The following LRP8 variants were observed in gnomAD, a reference collection of about 807,000 sequenced individuals.
LRP8 encodes LDL receptor related protein 8, also known as low-density lipoprotein receptor-related protein 8.
In LRP8, 46 loss-of-function variants were observed where a neutral mutation model predicts 111.6. The ratio of observed to expected loss-of-function variants is 0.41; its 90% CI spans 0.33 to 0.53. The LOEUF (loss-of-function observed/expected upper bound fraction) is 0.53, where lower values mean the gene tolerates loss of function less well. Ranked by LOEUF, LRP8 falls within the 20% of genes least tolerant of loss-of-function variation. The probability of loss-of-function intolerance (pLI) is 0.20; values close to 1 mark genes in which losing one functional copy is unlikely to be tolerated. For synonymous variants in LRP8, 464 were observed against 511.2 expected, an observed-to-expected ratio of 0.91 and a Z score of 1.24; for missense variants, 959 against 1,297.4, an observed-to-expected ratio of 0.74 and a Z score of 4.01.
At chr1:53,248,560 T>G (rs1208717924) in intron 18 of LRP8, among the ~76,000 whole-genome samples, 3 of 152,248 alleles carry the variant, frequency 2.0e-5, no homozygotes, top group Non-Finnish European at 4.4e-5. Flanking sequence ...TTAGGCAAGT[T>G]ATTCAATTTC....
chr1:53,322,001 C>T (rs1288521), intron 2 of LRP8, among the ~76,000 whole-genome samples: 44,301 of 151,688 alleles, frequency 0.29, 6,733 homozygotes, highest in African/African-American at 0.37. Context: ...GCACCAGCTG[C>T]AGGAACCTCG....
At chr1:53,285,501 A>G (rs537144165) in intron 3 of LRP8, among the ~76,000 whole-genome samples, 1 of 152,144 alleles carries the variant, frequency 6.6e-6, no homozygotes, top group African/African-American at 2.4e-5. Context: ...CAACTACTGA[A>G]CCTCTCTGCA....
intron 13 of LRP8, among the ~76,000 whole-genome samples, chr1:53,258,997 A>T (rs913499180): frequency 4.6e-5 from 7 of 152,214 alleles, no homozygotes; most frequent in Non-Finnish European, 1.0e-4. Context: ...TTTATGGCTG[A>T]GTAGTATTCC....
intron 2 of LRP8, among the ~76,000 whole-genome samples, chr1:53,311,345 C>T (rs1400002345): frequency 1.3e-5 from 2 of 152,160 alleles, no homozygotes; most frequent in African/African-American, 4.8e-5. Flanking sequence ...GGCGGGCTTA[C>T]CCTTTGCCCA....
rs993483385 is a variant in LRP8, at chr1:53,275,896, GC to G, written c.884-144del. 9.9e-7 allele frequency: 1 copy of G among 1,009,044 alleles called. No homozygotes were observed. The highest frequency in any genetic ancestry group is 1.4e-6 in the Non-Finnish European group (1 of 695,650). 62.5% of individuals were successfully genotyped at this position (1,009,044 alleles called of 1,614,324 possible). On this transcript the variant is annotated intron_variant, in intron 5 of 18. Transcript: ENST00000306052. This position sits in a 1 kb window ranked among gnomAD's most constrained non-coding sequence, Gnocchi z 4.4. Reference sequence around the variant, plus strand: ...CTCAGGAGTCCTCAAAGGACACCTGGCCAAGGCACCTCAGTGTACAGATGGG... The same window carrying G: ...CTCAGGAGTCCTCAAAGGACACCTGGCAAGGCACCTCAGTGTACAGATGGG...
chr1:53,327,556 C>G (rs1261441915), intron 1 of LRP8, among the ~76,000 whole-genome samples: 1 of 152,226 alleles, frequency 6.6e-6, no homozygotes, highest in Admixed American at 6.5e-5. Flanking sequence ...GCCAAGCCCC[C>G]CTGCACCCCT....
intron 2 of LRP8, 55 bp from the exon 3 acceptor site, chr1:53,289,744 G>A (rs1016496078): frequency 5.0e-6 from 8 of 1,602,706 alleles, no homozygotes; most frequent in Non-Finnish European, 6.8e-6. Flanking sequence ...GAGGGTGGTG[G>A]GCCGACCAGG....
At chr1:53,264,471 TC>T (rs1646475679) in intron 9 of LRP8, 75 bp from the exon 10 acceptor site, 1 of 1,142,642 alleles carries the variant, frequency 8.8e-7, no homozygotes, top group Non-Finnish European at 1.3e-6. Context: ...TGTGCACCCT[TC>T]CCCTCTCTTC....
chr1:53,308,089 C>T (rs533339228), intron 2 of LRP8, among the ~76,000 whole-genome samples: 16 of 152,332 alleles, frequency 1.1e-4, no homozygotes, highest in African/African-American at 3.1e-4. Context: ...TCAGTCCCTG[C>T]GGAGGCTGCT....
At chr1:53,288,682 C>T (rs1046520255) in intron 3 of LRP8, among the ~76,000 whole-genome samples, 11 of 152,080 alleles carry the variant, frequency 7.2e-5, no homozygotes, top group African/African-American at 2.4e-4. Flanking sequence ...CGACTGTTAC[C>T]CCTAAACAGG....
chr1:53,248,724 C>T (rs1432387527), intron 18 of LRP8, among the ~76,000 whole-genome samples: 1 of 152,242 alleles, frequency 6.6e-6, no homozygotes, highest in African/African-American at 2.4e-5. Flanking sequence ...CCTTATTTCT[C>T]TGCAACTGGC....
rs768893574 is a variant in LRP8, at chr1:53,262,167, T to G, written c.1815A>C (p.Leu605=). The change falls in exon 12 of 19, where the codon CTA becomes CTC. Residue 605 remains leucine, a synonymous_variant. Coordinates refer to ENST00000306052, the MANE Select transcript of LRP8 (RefSeq NM_004631.5). The surrounding 1 kb of genome is among the most constrained non-coding windows in gnomAD (Gnocchi z 4.8). ...SQRLYWVDSK[L]HQLSSIDFSG... ...TGAAGTCAATGCTGGACAGTTGGTG[T>G]AGCTTGGAGTCTACCCAGTACAAGC... The G allele has an allele frequency of 6.2e-7, 1 of 1,613,962 alleles. No homozygotes were observed. Among genetic ancestry groups the G allele is most frequent in the East Asian group, 2.2e-5 (1 of 44,884 alleles).
Position 53,286,925 on chromosome 1 carries a change from C to G in LRP8, c.367+2642G>C, listed in dbSNP as rs141320054. 2.4e-3 allele frequency among the ~76,000 whole-genome samples: 366 copies of G among 152,384 alleles called. 2 individuals carry two copies. Among genetic ancestry groups the G allele is most frequent in the African/African-American group, 7.6e-3 (315 of 41,590 alleles). On this transcript the variant is annotated intron_variant, in intron 3 of 18. Transcript: ENST00000306052. The stretch of plus-strand genomic sequence containing the variant: ...CTTGCATTCTTTCATTTGATTCTCA[C>G]AATCCCTCTAAGGCAGGTACCATTA...
Position 53,264,196 on chromosome 1 carries a change from C to T in LRP8, c.1628G>A (p.Arg543Gln), listed in dbSNP as rs202186923. The T allele has an allele frequency of 4.4e-5, 71 of 1,614,094 alleles. No homozygotes were observed. Among genetic ancestry groups the T allele is most frequent in the South Asian group, 1.8e-4 (16 of 91,074 alleles). The change falls in exon 10 of 19, where the codon CGG becomes CAG. Residue 543 changes from arginine to glutamine, a missense_variant. Coordinates refer to ENST00000306052, the MANE Select transcript of LRP8 (RefSeq NM_004631.5). ...TLFSRNLSEP[R>Q]AIAVDPLRGF... is the part of the protein sequence containing the mutation. ...TCGCAGGGGGTCAACAGCGATGGCC[C>T]GGGGTTCACTGAGGTTACGGCTGAA...
intron 2 of LRP8, among the ~76,000 whole-genome samples, chr1:53,306,427 C>T (rs1016671959): frequency 2.6e-5 from 4 of 152,182 alleles, no homozygotes; most frequent in Non-Finnish European, 5.9e-5. Flanking sequence ...TGTCCTCTTT[C>T]TCTTGCCAAA....
At chr1:53,299,552 A>T (rs953123531) in intron 2 of LRP8, among the ~76,000 whole-genome samples, 1 of 152,170 alleles carries the variant, frequency 6.6e-6, no homozygotes, top group Non-Finnish European at 1.5e-5. Flanking sequence ...GGCTGTGCCC[A>T]GGAGGCTGGT....
Position 53,317,414 on chromosome 1 carries a change from C to T in LRP8, c.244+9459G>A, listed in dbSNP as rs879845057. ...ACTGGGCCACTCAGGAAGCAGCCAC[C>T]CTGGGGCCCCAGCGCAGATGGGGTG... On this transcript the variant is annotated intron_variant, in intron 2 of 18. Transcript: ENST00000306052. The surrounding 1 kb of genome is among the most constrained non-coding windows in gnomAD (Gnocchi z 4.9). 5.9e-5 allele frequency among the ~76,000 whole-genome samples: 9 copies of T among 152,194 alleles called. No individual in the cohort carries two copies. The South Asian group carries it at 6.2e-4, about 10-fold the overall frequency.
chr1:53,288,800 C>T (rs1231821764), intron 3 of LRP8, among the ~76,000 whole-genome samples: 1 of 152,188 alleles, frequency 6.6e-6, no homozygotes, highest in Non-Finnish European at 1.5e-5. Context: ...TGGGTCCTTC[C>T]CCGCCCCCTT....
In LRP8 at chr1:53,327,417, A is replaced by G. The variant is rs563206123; in HGVS notation, c.124+372T>C. On this transcript the variant is annotated intron_variant, in intron 1 of 18. Coordinates refer to ENST00000306052, the MANE Select transcript of LRP8 (RefSeq NM_004631.5). ...AGGGGTCTGCGGAAACGCATTGTCA[A>G]GCGGAGAAGCCGCCCGGCTCTGCTC... 732 of 259,750 alleles carry G rather than the reference A, an allele frequency of 2.8e-3. 4 individuals are homozygous for G. Among genetic ancestry groups the G allele is most frequent in the African/African-American group, 0.015 (669 of 44,728 alleles). 16.1% of individuals were successfully genotyped at this position (259,750 alleles called of 1,614,324 possible).
Sources: allele counts gnomAD v4.1 joint callset (sites outside exome capture counted in the v4.1 genomes callset), GRCh38; gene constraint gnomAD v4.1.1; non-coding constraint Gnocchi (gnomAD v3.1); transcripts MANE v1.5; gene names NCBI Gene and HGNC (gene_info 2026-07-23, HGNC 2026-07-21).